The following RNF216 variants were observed in gnomAD, a reference collection of about 807,000 sequenced individuals.
The protein encoded by RNF216 is E3 ubiquitin-protein ligase RNF216.
Under a neutral mutation model 110.8 loss-of-function variants are expected in RNF216, and 72 were observed. The observed-to-expected ratio is 0.65, with a 90% confidence interval of 0.54 to 0.79. RNF216 has a LOEUF of 0.79. Among genes scored for constraint, RNF216 ranks in the 30% least tolerant of loss-of-function variants. The probability of loss-of-function intolerance (pLI) is 0.00; values close to 1 mark genes in which losing one functional copy is unlikely to be tolerated. For synonymous variants in RNF216, 495 were observed against 407.5 expected (o/e 1.21, Z -2.59); for missense variants, 1,342 against 1,141.2 (o/e 1.18, Z -2.54).
intron 13 of RNF216, among the ~76,000 whole-genome samples, chr7:5,682,215 CT>C (rs1038440652): frequency 2.6e-5 from 4 of 152,150 alleles, no homozygotes; most frequent in African/African-American, 9.7e-5. Context: ...CCCACACTGA[CT>C]TTTTCTCAAA....
At chr7:5,700,901 C>G (rs1791921919) in intron 13 of RNF216, among the ~76,000 whole-genome samples, 1 of 152,210 alleles carries the variant, frequency 6.6e-6, no homozygotes, top group African/African-American at 2.4e-5. Context: ...GGATTTCCAT[C>G]TCTCCACTGC....
At chr7:5,745,001 T>C (rs1038728212) in intron 3 of RNF216, among the ~76,000 whole-genome samples, 5 of 151,744 alleles carry the variant, frequency 3.3e-5, no homozygotes, top group Admixed American at 6.6e-5. Flanking sequence ...AGAAAACTTC[T>C]AAACTTTTTA....
At chr7:5,768,538 T>C (rs1451012732) in intron 1 of RNF216, among the ~76,000 whole-genome samples, 4 of 151,940 alleles carry the variant, frequency 2.6e-5, no homozygotes, top group Non-Finnish European at 4.4e-5. Context: ...ATGAGAACAT[T>C]CACAAAACAG....
chr7:5,652,589 G>T (rs2128577137), intron 13 of RNF216, 79 bp from the exon 14 acceptor site: 1 of 907,816 alleles, frequency 1.1e-6, no homozygotes, highest in Non-Finnish European at 1.8e-6. Context: ...AAAGGGATAT[G>T]AAATGAGCTT....
intron 5 of RNF216, among the ~76,000 whole-genome samples, chr7:5,732,729 T>C (rs1000951143): frequency 1.3e-5 from 2 of 152,228 alleles, no homozygotes; most frequent in Non-Finnish European, 2.9e-5. Context: ...TGTTCTAATA[T>C]CTGCACCCTG....
At chr7:5,776,643 G>A (rs370843939) in intron 1 of RNF216, among the ~76,000 whole-genome samples, 2 of 148,268 alleles carry the variant, frequency 1.3e-5, no homozygotes, top group East Asian at 4.0e-4. Context: ...GGTAGTCAGT[G>A]AAGGTTTCAC....
chr7:5,669,053 G>A (rs1789724628), intron 13 of RNF216, among the ~76,000 whole-genome samples: 1 of 152,218 alleles, frequency 6.6e-6, no homozygotes, highest in Non-Finnish European at 1.5e-5. Flanking sequence ...GAGCATTAGA[G>A]AGTATTTCAA....
chr7:5,728,172 T>C (rs1793872870), intron 7 of RNF216, among the ~76,000 whole-genome samples: 1 of 152,210 alleles, frequency 6.6e-6, no homozygotes, highest in Admixed American at 6.5e-5. Flanking sequence ...ACCAAACTCC[T>C]ATGTGGGTCT....
chr7:5,698,777 C>G lies in RNF216; in HGVS notation c.2061+12984G>C, dbSNP rs530145692. Among the ~76,000 whole-genome samples the G allele has an allele frequency of 6.6e-5, 10 of 152,310 alleles. No homozygotes were observed. The East Asian group carries it at 1.9e-3, about 29-fold the overall frequency. On this transcript the variant is annotated intron_variant, in intron 13 of 16. Coordinates refer to ENST00000389902, the MANE Select transcript of RNF216 (RefSeq NM_207111.4). ...GTCCCTACCACTTATATAGAAGAATCTTGTGCAGAGAAACTACACAGGAAA... is the reference window on the plus strand; with the variant it reads ...GTCCCTACCACTTATATAGAAGAATGTTGTGCAGAGAAACTACACAGGAAA...
At position 5,777,513 on chromosome 7, in the gene RNF216, A is replaced by C. The variant is rs183693871; in HGVS notation, c.-70+4028T>G. ...TAGGGGGAGGAGAAGAATACAAGAC[A>C]CTGACTGCAGAGTTAGAGTCGATGG... On this transcript the variant is annotated intron_variant, in intron 1 of 16. Coordinates refer to ENST00000389902, the MANE Select transcript of RNF216 (RefSeq NM_207111.4). 2.6e-5 allele frequency: 4 copies of C among 152,336 alleles called. No homozygotes were observed. The East Asian group carries it at 7.7e-4, about 29-fold the overall frequency. The allele number at this position is 152,336 out of a possible 1,614,324, so 9.4% of individuals were successfully genotyped here.
chr7:5,756,246 G>T (rs1271063813), intron 2 of RNF216, among the ~76,000 whole-genome samples: 1 of 152,074 alleles, frequency 6.6e-6, no homozygotes, highest in Admixed American at 6.5e-5. Flanking sequence ...TTTTCCTGAG[G>T]CCTTCCCAGC....
intron 15 of RNF216, among the ~76,000 whole-genome samples, chr7:5,637,847 CG>C (rs1787486629): frequency 6.6e-6 from 1 of 152,198 alleles, no homozygotes; most frequent in Non-Finnish European, 1.5e-5. Context: ...GGCCAAATTA[CG>C]CATTTCTTTT....
At chr7:5,768,673 T>TC (rs1445924298) in intron 1 of RNF216, among the ~76,000 whole-genome samples, 1 of 151,274 alleles carries the variant, frequency 6.6e-6, no homozygotes, top group Non-Finnish European at 1.5e-5. Flanking sequence ...TTGTTTTTTT[T>TC]TTTTTTGGGA....
Position 5,719,188 on chromosome 7 carries a change from C to T in RNF216, c.1644+1845G>A, listed in dbSNP as rs890874775. Among the ~76,000 whole-genome samples the T allele has an allele frequency of 9.9e-5, 15 of 152,174 alleles. No individual in the cohort carries two copies. The East Asian group carries it at 2.9e-3, about 29-fold the overall frequency. On this transcript the variant is annotated intron_variant, in intron 9 of 16. Transcript: ENST00000389902. ...TTGAGGCCAGAAGTTCGAGACCAGC[C>T]TGGACAGCATGGGGAAACCCAGGCT... is the stretch of plus-strand genomic sequence containing the variant.
chr7:5,672,721 G>A (rs1228381854), intron 13 of RNF216, among the ~76,000 whole-genome samples: 1 of 152,128 alleles, frequency 6.6e-6, no homozygotes, highest in Non-Finnish European at 1.5e-5. Flanking sequence ...GAACAGAGAA[G>A]GCCAGTGAGG....
At chr7:5,675,986 G>T (rs935985775) in intron 13 of RNF216, among the ~76,000 whole-genome samples, 46 of 151,494 alleles carry the variant, frequency 3.0e-4, no homozygotes, top group African/African-American at 1.1e-3. Flanking sequence ...TGGGATTACA[G>T]GCGTGAGCTA....
At position 5,652,497 on chromosome 7, in the gene RNF216, T is replaced by C. The variant is rs777743803; in HGVS notation, c.2075A>G (p.Lys692Arg). 9 of 1,612,944 alleles carry C rather than the reference T, an allele frequency of 5.6e-6. 1 individual carries two copies. In the South Asian group the frequency reaches 7.7e-5, roughly 14 times the overall value. Residue 692 changes from lysine to arginine, a missense_variant, in exon 14 of 17, where the codon AAG (lysine) becomes AGG (arginine). Transcript: ENST00000389902. ...ATGTTCTTTCCAGAGTCCCTGACAC[T>C]TCCTACAGGTTTCCTGGGGATAAAG... ...NPHCRKETCR[K>R]CQGLWKEHNG...
chr7:5,652,990 C>CA (rs778558506), intron 13 of RNF216, among the ~76,000 whole-genome samples: 2 of 152,152 alleles, frequency 1.3e-5, no homozygotes, highest in African/African-American at 2.4e-5. Flanking sequence ...GTTTTTAAAA[C>CA]ACAGTAGCAC....
intron 13 of RNF216, chr7:5,662,349 T>C (rs1022574951): frequency 6.6e-6 from 1 of 152,180 alleles, no homozygotes; most frequent in Non-Finnish European, 1.5e-5. Flanking sequence ...CATTACCGCA[T>C]AAACAGAGAT....
Sources: gnomAD v4.1 joint callset for allele counts (sites outside exome capture counted in the v4.1 genomes callset) on GRCh38, gnomAD v4.1.1 for gene constraint, MANE v1.5 for transcripts, NCBI Gene and HGNC (gene_info 2026-07-23, HGNC 2026-07-21) for gene names.